LARP1B: variants seen among roughly 807,000 people sequenced by gnomAD.
The protein encoded by LARP1B is la-related protein 1B.
In LARP1B, 76 loss-of-function variants were observed where a neutral mutation model predicts 114.2. The ratio of observed to expected loss-of-function variants is 0.67; its 90% CI spans 0.55 to 0.81. The LOEUF (loss-of-function observed/expected upper bound fraction) is 0.81. LARP1B is among the 30% of genes least tolerant of loss of function. The pLI is 0.00. For missense variants in LARP1B, 1,014 were observed against 1,075.8 expected, an observed-to-expected ratio of 0.94 and a Z score of 0.80; for synonymous variants, 345 against 348.0, an observed-to-expected ratio of 0.99 and a Z score of 0.10.
chr4:128,119,356 T>C (rs1465110894), intron 10 of LARP1B, among the ~76,000 whole-genome samples: 1 of 152,216 alleles, frequency 6.6e-6, no homozygotes, highest in African/African-American at 2.4e-5. Context: ...ACCTTTTCTT[T>C]TCCTCCCCCC....
At chr4:128,083,286 C>G (rs1771388053) in intron 5 of LARP1B, among the ~76,000 whole-genome samples, 1 of 152,144 alleles carries the variant, frequency 6.6e-6, no homozygotes, top group African/African-American at 2.4e-5. Context: ...TTCTATTCCA[C>G]AAAACCGCCA....
intron 11 of LARP1B, among the ~76,000 whole-genome samples, chr4:128,139,615 G>A (rs969802364): frequency 2.6e-5 from 4 of 151,128 alleles, no homozygotes; most frequent in Admixed American, 6.6e-5. Context: ...GTATAAGATC[G>A]TGCCATTGCA....
intron 15 of LARP1B, among the ~76,000 whole-genome samples, chr4:128,182,700 A>G (rs1395540607): frequency 2.6e-5 from 4 of 152,170 alleles, no homozygotes; most frequent in Non-Finnish European, 5.9e-5. Context: ...TAGGAATGTC[A>G]TCATTAATGA....
chr4:128,077,778 CT>C lies in LARP1B; in HGVS notation c.43-5del. The C allele has an allele frequency of 1.3e-6, 2 of 1,526,118 alleles. No homozygotes were observed. Among genetic ancestry groups the C allele is most frequent in the Non-Finnish European group, 8.8e-7 (1 of 1,141,046 alleles). 94.5% of individuals were successfully genotyped at this position (1,526,118 alleles called of 1,614,324 possible). On this transcript the variant is annotated splice_polypyrimidine_tract_variant and intron_variant, in intron 3 of 19. Transcript: ENST00000326639. ...ATGGAAATCATTTCATTCTGAAAAC[CT>C]TTTTGCAGTTTCAGAGCGTCCTCAG...
In LARP1B at chr4:128,116,066, G is replaced by A. The variant is rs185439172; in HGVS notation, c.1161+1324G>A. Reference sequence around the variant, plus strand: ...TTTATATATGTTTTGGTGATTTAATGTGCAAAAGGAAAAGAAAATTGAATT... The same window carrying A: ...TTTATATATGTTTTGGTGATTTAATATGCAAAAGGAAAAGAAAATTGAATT... On this transcript the variant is annotated intron_variant, in intron 10 of 19. Transcript: ENST00000326639. 9.5e-4 allele frequency among the ~76,000 whole-genome samples: 144 copies of A among 152,340 alleles called. 1 individual carries two copies. The highest frequency in any genetic ancestry group is 3.3e-3 in the African/African-American group (139 of 41,582).
intron 11 of LARP1B, among the ~76,000 whole-genome samples, chr4:128,136,321 C>G (rs55681822): frequency 1.3e-5 from 2 of 148,396 alleles, no homozygotes; most frequent in African/African-American, 2.5e-5. Context: ...TCAAGAAAAA[C>G]AAAAAAACAA....
rs1049704607 is a variant in LARP1B, at chr4:128,103,561, CTTTTTTTTT to C, written c.814-3567_814-3559del. 4.6e-3 allele frequency among the ~76,000 whole-genome samples: 610 copies of C among 131,866 alleles called. 1 individual carries two copies. The highest frequency in any genetic ancestry group is 6.3e-3 in the Non-Finnish European group (390 of 62,084). 86.5% of individuals were successfully genotyped at this position (131,866 alleles called of 152,430 possible). ...TACAATGTTTGTTATGCCCCTTCCT[CTTTTTTTTT>C]TTTTTTTTTTGAGACAGAGTCTCAC... is the stretch of plus-strand genomic sequence containing the variant. On this transcript the variant is annotated intron_variant, in intron 8 of 19. Coordinates refer to ENST00000326639, the MANE Select transcript of LARP1B (RefSeq NM_018078.4).
intron 13 of LARP1B, among the ~76,000 whole-genome samples, chr4:128,177,208 C>G (rs1287359876): frequency 6.6e-6 from 1 of 152,010 alleles, no homozygotes; most frequent in African/African-American, 2.4e-5. Context: ...ATTTGCTCCT[C>G]AGAATAATCA....
At chr4:128,069,856 C>T (rs536362842) in intron 1 of LARP1B, among the ~76,000 whole-genome samples, 121 of 152,102 alleles carry the variant, frequency 8.0e-4, no homozygotes, top group African/African-American at 2.9e-3. Context: ...AACCTCTTTT[C>T]TCCTACTATT....
intron 11 of LARP1B, among the ~76,000 whole-genome samples, chr4:128,152,546 TTAA>T (rs1733344488): frequency 6.6e-6 from 1 of 151,702 alleles, no homozygotes; most frequent in South Asian, 2.1e-4. Context: ...ATTTTTTAGG[TTAA>T]TGTTTTTTAT....
At chr4:128,189,122 G>A (rs1751336682) in intron 15 of LARP1B, among the ~76,000 whole-genome samples, 1 of 152,006 alleles carries the variant, frequency 6.6e-6, no homozygotes, top group Non-Finnish European at 1.5e-5. Flanking sequence ...TTGTATTATA[G>A]TCTATCTCTC....
At chr4:128,094,058 T>C (rs1208847483) in intron 7 of LARP1B, among the ~76,000 whole-genome samples, 2 of 151,808 alleles carry the variant, frequency 1.3e-5, no homozygotes, top group Non-Finnish European at 2.9e-5. Flanking sequence ...CAGTCTACTT[T>C]TTTTTAACTT....
intron 12 of LARP1B, among the ~76,000 whole-genome samples, chr4:128,162,532 A>C (rs1314730421): frequency 2.0e-5 from 3 of 152,092 alleles, no homozygotes; most frequent in African/African-American, 7.2e-5. Flanking sequence ...AAGTAGGCAG[A>C]ATTTGTTGGT....
Position 128,070,180 on chromosome 4 carries a change from C to T in LARP1B, c.-77-4280C>T, listed in dbSNP as rs562487833. 1.5e-4 allele frequency among the ~76,000 whole-genome samples: 23 copies of T among 151,916 alleles called. No homozygotes were observed. The South Asian group carries it at 3.5e-3, about 23-fold the overall frequency. On this transcript the variant is annotated intron_variant, in intron 1 of 19. Coordinates refer to ENST00000326639, the MANE Select transcript of LARP1B (RefSeq NM_018078.4). ...AAAAATACAAAAAAAATTAGCTGGGCGTGGTGGCAGGCACCTGTAGTCCCA... is the reference window on the plus strand; with the variant it reads ...AAAAATACAAAAAAAATTAGCTGGGTGTGGTGGCAGGCACCTGTAGTCCCA...
At chr4:128,103,719 C>A (rs185526108) in intron 8 of LARP1B, among the ~76,000 whole-genome samples, 2 of 151,960 alleles carry the variant, frequency 1.3e-5, no homozygotes, top group Non-Finnish European at 2.9e-5. Context: ...CCTGCCACCA[C>A]GCCTGGCTAA....
intron 11 of LARP1B, chr4:128,123,676 TA>T: frequency 2.3e-6 from 2 of 852,448 alleles, no homozygotes; most frequent in Non-Finnish European, 2.8e-6. Flanking sequence ...TGTTTGTGGG[TA>T]AATAAATTAT....
chr4:128,198,841 A>G (rs1755072838), intron 15 of LARP1B, among the ~76,000 whole-genome samples: 1 of 152,240 alleles, frequency 6.6e-6, no homozygotes, highest in South Asian at 2.1e-4. Context: ...TTCAAGTGAA[A>G]GAAGAGGAAG....
chr4:128,090,261 C>T lies in LARP1B; in HGVS notation c.359-740C>T, dbSNP rs534577772. Among the ~76,000 whole-genome samples the T allele has an allele frequency of 4.5e-4, 69 of 151,880 alleles. 1 individual carries two copies. Among genetic ancestry groups the T allele is most frequent in the Non-Finnish European group, 5.4e-4 (37 of 67,962 alleles). On this transcript the variant is annotated intron_variant, in intron 5 of 19. Coordinates refer to ENST00000326639, the MANE Select transcript of LARP1B (RefSeq NM_018078.4). Reference sequence around the variant, plus strand: ...ATAATTTTTGTATTTTTAGTAGAGGCGGTATTTCAGTATGTCAGCCAGGCT... The same window carrying T: ...ATAATTTTTGTATTTTTAGTAGAGGTGGTATTTCAGTATGTCAGCCAGGCT...
chr4:128,202,652 G>A (rs1315901221), intron 17 of LARP1B, among the ~76,000 whole-genome samples: 1 of 152,102 alleles, frequency 6.6e-6, no homozygotes, highest in Non-Finnish European at 1.5e-5. Flanking sequence ...TTCCACCCAA[G>A]TCTAGGTTGG....
Sources: allele counts gnomAD v4.1 joint callset (sites outside exome capture counted in the v4.1 genomes callset), GRCh38; gene constraint gnomAD v4.1.1; transcripts MANE v1.5; gene names NCBI Gene and HGNC (gene_info 2026-07-23, HGNC 2026-07-21).